NREP: variants seen among roughly 807,000 people sequenced by gnomAD.
NREP encodes the protein neuronal regeneration related protein, also known as neuronal regeneration-related protein.
Under a neutral mutation model 8.6 loss-of-function variants are expected in NREP, and 5 were observed. The observed-to-expected ratio is 0.58, with a 90% confidence interval of 0.30 to 1.22. The LOEUF (loss-of-function observed/expected upper bound fraction) is 1.22. Ranked by LOEUF, NREP falls within the 50% of genes most tolerant of loss-of-function variation. The pLI, the probability that NREP is intolerant of heterozygous loss-of-function variation, is 0.07. For missense variants in NREP, 86 were observed against 82.5 expected (o/e 1.04, Z -0.17); for synonymous variants, 27 against 28.0 (o/e 0.96, Z 0.11).
At chr5:111,842,197 C>A (rs1034894153) in intron 2 of NREP, among the ~76,000 whole-genome samples, 1 of 152,126 alleles carries the variant, frequency 6.6e-6, no homozygotes, top group Non-Finnish European at 1.5e-5. Context: ...TCTGTGATAT[C>A]TCCACTCTCC....
chr5:111,832,969 G>A (rs1752809477), intron 2 of NREP, among the ~76,000 whole-genome samples: 1 of 152,166 alleles, frequency 6.6e-6, no homozygotes, highest in Admixed American at 6.5e-5. Flanking sequence ...TGGAAGCAGT[G>A]TTCATCTGTC....
chr5:111,934,456 A>G (rs545452213), intron 2 of NREP, among the ~76,000 whole-genome samples: 2 of 152,210 alleles, frequency 1.3e-5, no homozygotes, highest in African/African-American at 4.8e-5. Flanking sequence ...AAAGAACATG[A>G]AAAGATAGTA....
intron 2 of NREP, among the ~76,000 whole-genome samples, chr5:111,853,710 T>C (rs1439445264): frequency 6.6e-6 from 1 of 151,410 alleles, no homozygotes; most frequent in Non-Finnish European, 1.5e-5. Context: ...CATGCTGAGA[T>C]ACCTAGGCTT....
intron 2 of NREP, among the ~76,000 whole-genome samples, chr5:111,748,217 T>C (rs1388421916): frequency 1.3e-5 from 2 of 152,198 alleles, no homozygotes; most frequent in Non-Finnish European, 2.9e-5. Flanking sequence ...GTCATTTTTG[T>C]AGTGTGCTTA....
At chr5:111,741,834 C>CACAT (rs879582632) in intron 2 of NREP, among the ~76,000 whole-genome samples, 10 of 151,424 alleles carry the variant, frequency 6.6e-5, no homozygotes, top group Non-Finnish European at 2.9e-5. Flanking sequence ...TACACACACA[C>CACAT]ACACACACAC....
intron 2 of NREP, among the ~76,000 whole-genome samples, chr5:111,856,174 A>G (rs1435460280): frequency 2.0e-5 from 3 of 152,200 alleles, no homozygotes; most frequent in African/African-American, 7.2e-5. Context: ...AGCTCATCCC[A>G]AAGGGTTACC....
chr5:111,807,521 G>C (rs1431479886), intron 2 of NREP, among the ~76,000 whole-genome samples: 3 of 151,946 alleles, frequency 2.0e-5, no homozygotes, highest in African/African-American at 7.2e-5. Context: ...TTTTAAACAA[G>C]AAAATTTCTA....
intron 2 of NREP, among the ~76,000 whole-genome samples, chr5:111,917,971 GCC>G (rs1175323506): frequency 6.6e-6 from 1 of 152,060 alleles, no homozygotes; most frequent in Non-Finnish European, 1.5e-5. Context: ...CATCATCTCA[GCC>G]CCAAAACTCC....
intron 2 of NREP, among the ~76,000 whole-genome samples, chr5:111,950,482 C>G (rs1280637408): frequency 6.6e-6 from 1 of 152,098 alleles, no homozygotes; most frequent in African/African-American, 2.4e-5. Context: ...AGGACATATG[C>G]ATGGGCGAAG....
Position 111,782,730 on chromosome 5 carries a change from CTTTTCTTTTTT to C in NREP, c.136-47234_136-47224del, listed in dbSNP as rs944227685. On this transcript the variant is annotated intron_variant, in intron 2 of 3. Coordinates refer to the NREP transcript ENST00000395634. ...TATAGAACAACAAAGAACCACATGGCTTTTCTTTTTTTTTTCTTTTTTTTTTGACAGTCTCG... is the reference window on the plus strand; with the variant it reads ...TATAGAACAACAAAGAACCACATGGCTTTTCTTTTTTTTTTGACAGTCTCG... Among the ~76,000 whole-genome samples the C allele has an allele frequency of 5.7e-4, 86 of 151,210 alleles. 2 individuals carry two copies. In the East Asian group the frequency reaches 0.014, roughly 25 times the overall value.
At chr5:111,800,736 T>C (rs888941700) in intron 2 of NREP, among the ~76,000 whole-genome samples, 4 of 152,214 alleles carry the variant, frequency 2.6e-5, no homozygotes, top group South Asian at 2.1e-4. Flanking sequence ...AGTTTTATTA[T>C]TGAATAAGCA....
chr5:111,887,247 G>A (rs916349024), intron 2 of NREP, among the ~76,000 whole-genome samples: 7 of 151,958 alleles, frequency 4.6e-5, no homozygotes, highest in East Asian at 3.9e-4. Context: ...TAAACCCTCC[G>A]GTACATTATT....
At chr5:111,817,730 A>C (rs983681443) in intron 2 of NREP, among the ~76,000 whole-genome samples, 1 of 147,258 alleles carries the variant, frequency 6.8e-6, no homozygotes, top group East Asian at 2.1e-4. Context: ...GCATGAACCC[A>C]GGAGGCGGAG....
intron 2 of NREP, among the ~76,000 whole-genome samples, chr5:111,935,127 C>A (rs1755647528): frequency 6.6e-6 from 1 of 152,062 alleles, no homozygotes; most frequent in Non-Finnish European, 1.5e-5. Flanking sequence ...AATTTCCCTC[C>A]AATATTTCCC....
chr5:111,932,685 T>TA (rs1755574781), intron 2 of NREP, among the ~76,000 whole-genome samples: 2 of 152,104 alleles, frequency 1.3e-5, no homozygotes, highest in Admixed American at 1.3e-4. Context: ...ATAAAAAACT[T>TA]ACAGAGATTT....
intron 2 of NREP, among the ~76,000 whole-genome samples, chr5:111,911,800 A>G (rs1754919265): frequency 6.6e-6 from 1 of 152,126 alleles, no homozygotes; most frequent in Non-Finnish European, 1.5e-5. Flanking sequence ...CTGCATAGAC[A>G]TAGAATCCAA....
chr5:111,750,825 C>T (rs1028876181), intron 2 of NREP, among the ~76,000 whole-genome samples: 2 of 152,186 alleles, frequency 1.3e-5, no homozygotes, highest in African/African-American at 4.8e-5. Context: ...GAGATGGCAT[C>T]GCACCACACT....
intron 2 of NREP, among the ~76,000 whole-genome samples, chr5:111,840,387 T>C (rs1753000950): frequency 6.6e-6 from 1 of 152,124 alleles, no homozygotes; most frequent in South Asian, 2.1e-4. Context: ...ATTTAAGGAC[T>C]ACAGCTACCA....
chr5:111,901,372 C>T (rs1465770397), intron 2 of NREP, among the ~76,000 whole-genome samples: 1 of 152,078 alleles, frequency 6.6e-6, no homozygotes, highest in Non-Finnish European at 1.5e-5. Flanking sequence ...GCTAACATCA[C>T]ACAGAATGAG....
Sources: allele counts gnomAD v4.1 joint callset (sites outside exome capture counted in the v4.1 genomes callset), GRCh38; gene constraint gnomAD v4.1.1; transcripts MANE v1.5; gene names NCBI Gene and HGNC (gene_info 2026-07-23, HGNC 2026-07-21).